ARHGAP12: variants seen among roughly 807,000 people sequenced by gnomAD.
ARHGAP12 encodes Rho GTPase activating protein 12.
In ARHGAP12, 64 loss-of-function variants were observed where a neutral mutation model predicts 108.6. The observed-to-expected ratio is 0.59, with a 90% CI of 0.48 to 0.73. ARHGAP12 has a LOEUF of 0.73. ARHGAP12 is among the 30% of genes least tolerant of loss of function. The pLI, the probability that ARHGAP12 is intolerant of heterozygous loss-of-function variation, is 0.00. For missense variants in ARHGAP12, 940 were observed against 1,005.9 expected, an observed-to-expected ratio of 0.93 and a Z score of 0.89; for synonymous variants, 312 against 337.2, an observed-to-expected ratio of 0.93 and a Z score of 0.82.
intron 3 of ARHGAP12, among the ~76,000 whole-genome samples, chr10:31,890,117 T>C (rs750926483): frequency 2.0e-5 from 3 of 152,134 alleles, no homozygotes; most frequent in Admixed American, 6.5e-5. Flanking sequence ...TAATGACAAT[T>C]CTGAGCTCCA....
At chr10:31,858,181 G>A (rs1446567012) in intron 4 of ARHGAP12, among the ~76,000 whole-genome samples, 2 of 151,996 alleles carry the variant, frequency 1.3e-5, no homozygotes, top group Non-Finnish European at 2.9e-5. Flanking sequence ...CCCCAGCCTG[G>A]GCAACAGAGC....
chr10:31,812,904 C>T, intron 14 of ARHGAP12, 81 bp from the exon 15 acceptor site: 1 of 692,662 alleles, frequency 1.4e-6, no homozygotes, highest in East Asian at 2.6e-5. Context: ...GCATGCAAAA[C>T]ACATTAACCT....
At chr10:31,923,333 G>A (rs1229821397) in intron 1 of ARHGAP12, among the ~76,000 whole-genome samples, 1 of 152,048 alleles carries the variant, frequency 6.6e-6, no homozygotes, top group Non-Finnish European at 1.5e-5. Context: ...GAGAATGCAG[G>A]GCCAGTGGAA....
chr10:31,920,273 A>C (rs1011834367), intron 1 of ARHGAP12, among the ~76,000 whole-genome samples: 22 of 151,740 alleles, frequency 1.4e-4, no homozygotes, highest in Non-Finnish European at 2.2e-4. Flanking sequence ...CAACATGGTG[A>C]AACCTCACTC....
chr10:31,879,474 T>A (rs1056052335), intron 3 of ARHGAP12, among the ~76,000 whole-genome samples: 1 of 152,186 alleles, frequency 6.6e-6, no homozygotes, highest in African/African-American at 2.4e-5. Context: ...TGGTCTTCTT[T>A]AAAAATGAAA....
In ARHGAP12 at chr10:31,843,513, A is replaced by T. The variant is rs1168807902; in HGVS notation, c.1244T>A (p.Ile415Lys). 2 of 1,613,372 alleles carry T rather than the reference A, an allele frequency of 1.2e-6. No individual in the cohort carries two copies. The highest frequency in any genetic ancestry group is 1.7e-6 in the Non-Finnish European group (2 of 1,179,580). The change falls in exon 7 of 20, where the codon ATA (isoleucine) becomes AAA (lysine). Residue 415 changes from isoleucine to lysine, a missense_variant. Transcript: ENST00000344936. ...RSLDRRLQEP[I>K]VLTKWRHSTI... ...GCTATGTCTCCACTTTGTTAATACT[A>T]TTGGTTCTTGCAGCCGCCTGTCCAG...
intron 3 of ARHGAP12, among the ~76,000 whole-genome samples, chr10:31,879,637 C>T (rs1434808670): frequency 6.6e-6 from 1 of 152,136 alleles, no homozygotes; most frequent in African/African-American, 2.4e-5. Context: ...TATTCATTGC[C>T]TCATCCTACT....
In ARHGAP12 at chr10:31,850,843, G is replaced by A. The variant is rs1216768586; in HGVS notation, c.1170+1674C>T. Among the ~76,000 whole-genome samples the A allele has an allele frequency of 2.0e-5, 3 of 152,158 alleles. No homozygotes were observed. The East Asian group carries it at 5.8e-4, about 29-fold the overall frequency. ...CTTCAAAGTTTCAAGGATAAATAAG[G>A]TTTTATCTTCAGAATCACATTCTAA... On this transcript the variant is annotated intron_variant, in intron 6 of 19. Transcript: ENST00000344936.
chr10:31,900,088 A>T (rs72773109), intron 3 of ARHGAP12, among the ~76,000 whole-genome samples: 13,502 of 152,298 alleles, frequency 0.089, 749 homozygotes, highest in Middle Eastern at 0.14. Flanking sequence ...AAGAATATAT[A>T]AAGATGGCAA....
rs749278200 is a variant in ARHGAP12 at position 31,854,196 on chromosome 10, G to A, written c.959C>T (p.Ser320Leu). 1.6e-5 allele frequency: 26 copies of A among 1,604,318 alleles called. No homozygotes were observed. Among genetic ancestry groups the A allele is most frequent in the East Asian group, 2.2e-5 (1 of 44,736 alleles). Residue 320 changes from serine to leucine, a missense_variant, in exon 5 of 20, where the codon TCG becomes TTG. By Grantham distance (145) the Ser-to-Leu change is moderately radical (BLOSUM62 -2). Transcript: ENST00000344936. ...QNPGDQELLS[S>L]EENYYSTSYS... ...AGAAGTGCTGTAGTAGTTTTCTTCC[G>A]ATGAAAGAAGCTACAAATAGTCAGA...
Position 31,807,573 on chromosome 10 carries a change from G to T in ARHGAP12, c.*85C>A. The T allele has an allele frequency of 1.4e-6, 2 of 1,389,164 alleles. No homozygotes were observed. Among genetic ancestry groups the T allele is most frequent in the Non-Finnish European group, 1.9e-6 (2 of 1,034,720 alleles). 86.1% of individuals were successfully genotyped at this position (1,389,164 alleles called of 1,614,324 possible). A position where few individuals can be genotyped will look rare whatever the true frequency, so the allele number is the denominator to read the frequency against. Reference sequence around the variant, plus strand: ...TGCAAAATCAAAGAGTCACTGCTTGGTCCAAAAAATAAAATACATTGTGTA... The same window carrying T: ...TGCAAAATCAAAGAGTCACTGCTTGTTCCAAAAAATAAAATACATTGTGTA... On this transcript the variant is annotated 3_prime_UTR_variant, in exon 20 of 20. Coordinates refer to ENST00000344936, the MANE Select transcript of ARHGAP12 (RefSeq NM_018287.7).
chr10:31,860,574 A>C (rs1297102902), intron 4 of ARHGAP12, among the ~76,000 whole-genome samples: 1 of 152,264 alleles, frequency 6.6e-6, no homozygotes, highest in Non-Finnish European at 1.5e-5. Flanking sequence ...TAATGATTTT[A>C]AAGTGAATTG....
At chr10:31,811,328 G>A (rs918198226) in intron 15 of ARHGAP12, among the ~76,000 whole-genome samples, 2 of 152,066 alleles carry the variant, frequency 1.3e-5, no homozygotes, top group Admixed American at 1.3e-4. Context: ...CGTCCATCAC[G>A]TACCAACATT....
rs1592294959 is a variant in ARHGAP12, at chr10:31,856,071, T to C, written c.949-1865A>G. Among the ~76,000 whole-genome samples, 3 of 152,260 alleles carry C rather than the reference T, an allele frequency of 2.0e-5. 1 individual carries two copies. ...GTATTCTGCAGCAAATGTATCCTAG[T>C]ACAAATATGAGGGGGCTATGGTAGA... is the stretch of plus-strand genomic sequence containing the variant. On this transcript the variant is annotated intron_variant, in intron 4 of 19. Transcript: ENST00000344936.
chr10:31,814,654 G>A (rs1321314432), intron 13 of ARHGAP12, among the ~76,000 whole-genome samples: 1 of 152,068 alleles, frequency 6.6e-6, no homozygotes, highest in Non-Finnish European at 1.5e-5. Flanking sequence ...GTATATTAGT[G>A]ACACTAACAG....
chr10:31,890,035 T>A (rs935733332), intron 3 of ARHGAP12, among the ~76,000 whole-genome samples: 1 of 152,156 alleles, frequency 6.6e-6, no homozygotes, highest in African/African-American at 2.4e-5. Context: ...TGAATAGAAC[T>A]AATATTGTAC....
chr10:31,913,251 A>T (rs914442305), intron 1 of ARHGAP12: 1 of 154,084 alleles, frequency 6.5e-6, no homozygotes, highest in African/African-American at 2.4e-5. Context: ...TCAGCTTCTA[A>T]GGGTCTTTCT....
chr10:31,880,132 C>A (rs1171057127), intron 3 of ARHGAP12, among the ~76,000 whole-genome samples: 1 of 152,180 alleles, frequency 6.6e-6, no homozygotes, highest in Non-Finnish European at 1.5e-5. Context: ...TAAATGAGTA[C>A]ATGAATAATT....
Position 31,869,563 on chromosome 10 carries a change from A to G in ARHGAP12, c.685-7905T>C, listed in dbSNP as rs184356772. 1.2e-4 allele frequency among the ~76,000 whole-genome samples: 18 copies of G among 152,044 alleles called. No individual in the cohort carries two copies. In the East Asian group the frequency reaches 1.7e-3, roughly 15 times the overall value. ...AAAACAAACAAACAAACAAACAACA[A>G]AACACCACCCCCTCCCCCCTAAAAA... On this transcript the variant is annotated intron_variant, in intron 3 of 19. Transcript: ENST00000344936.
Sources: allele counts gnomAD v4.1 joint callset (sites outside exome capture counted in the v4.1 genomes callset), GRCh38; gene constraint gnomAD v4.1.1; transcripts MANE v1.5; gene names NCBI Gene and HGNC (gene_info 2026-07-23, HGNC 2026-07-21).